Variants in STAG1 observed in about 807,000 individuals in gnomAD.
The protein encoded by STAG1 is STAG1 cohesin complex component, also known as cohesin subunit SA-1.
In STAG1, 26 loss-of-function variants were observed where a neutral mutation model predicts 170.9. The observed-to-expected ratio is 0.15, with a 90% CI of 0.11 to 0.21. The LOEUF (loss-of-function observed/expected upper bound fraction) is 0.21, where lower values mean the gene tolerates loss of function less well. Ranked by LOEUF, STAG1 falls within the 10% of genes least tolerant of loss-of-function variation. STAG1 has a pLI of 1.00. For missense variants in STAG1, 964 were observed against 1,509.5 expected (o/e 0.64, Z 5.99); for synonymous variants, 514 against 497.7 (o/e 1.03, Z -0.44).
chr3:136,638,487 AAT>A (rs1452197247), intron 1 of STAG1, among the ~76,000 whole-genome samples: 1 of 152,120 alleles, frequency 6.6e-6, no homozygotes, highest in Non-Finnish European at 1.5e-5. Context: ...TTGAATTAAA[AAT>A]ATGTGTGTGT....
chr3:136,486,542 C>T (rs2090016794), intron 9 of STAG1, among the ~76,000 whole-genome samples: 1 of 152,204 alleles, frequency 6.6e-6, no homozygotes, highest in African/African-American at 2.4e-5. Context: ...GGATCCATTA[C>T]ATTTTTCCTC....
intron 22 of STAG1, among the ~76,000 whole-genome samples, chr3:136,382,322 ATAAG>A (rs1158102195): frequency 6.6e-6 from 1 of 152,186 alleles, no homozygotes; most frequent in East Asian, 1.9e-4. Context: ...AATACCACAA[ATAAG>A]TAAGCAATCA....
chr3:136,410,222 A>C (rs1216686804), intron 21 of STAG1, among the ~76,000 whole-genome samples: 1 of 152,070 alleles, frequency 6.6e-6, no homozygotes, highest in Non-Finnish European at 1.5e-5. Flanking sequence ...CAACATGGTG[A>C]AATCCTGTCT....
chr3:136,695,430 C>T (rs981980079), intron 1 of STAG1, among the ~76,000 whole-genome samples: 3 of 149,454 alleles, frequency 2.0e-5, no homozygotes, highest in Non-Finnish European at 4.4e-5. Context: ...GAGTGAGACT[C>T]TGTCTCAAAA....
At chr3:136,462,506 G>A (rs1469240816) in intron 13 of STAG1, among the ~76,000 whole-genome samples, 1 of 152,098 alleles carries the variant, frequency 6.6e-6, no homozygotes, top group Non-Finnish European at 1.5e-5. Flanking sequence ...TCCTGGAGGG[G>A]CAGTAGAATG....
chr3:136,518,797 C>T (rs1203258386), intron 7 of STAG1, among the ~76,000 whole-genome samples: 1 of 151,944 alleles, frequency 6.6e-6, no homozygotes, highest in African/African-American at 2.4e-5. Context: ...AAATAGGCTA[C>T]ATGATGATAC....
chr3:136,617,729 C>T (rs1478841244), intron 3 of STAG1, among the ~76,000 whole-genome samples: 1 of 152,104 alleles, frequency 6.6e-6, no homozygotes, highest in Non-Finnish European at 1.5e-5. Context: ...ACATCTGCCA[C>T]CACATTGTAA....
intron 8 of STAG1, among the ~76,000 whole-genome samples, chr3:136,501,991 G>C (rs528462593): frequency 6.6e-6 from 1 of 152,182 alleles, no homozygotes; most frequent in African/African-American, 2.4e-5. Flanking sequence ...AGACCAGCCT[G>C]ACCAACATGG....
At chr3:136,604,734 T>C (rs561972263) in intron 3 of STAG1, among the ~76,000 whole-genome samples, 2 of 152,268 alleles carry the variant, frequency 1.3e-5, no homozygotes, top group African/African-American at 4.8e-5. Flanking sequence ...CACTGCAGCA[T>C]CCTCCTCCCA....
At chr3:136,637,154 A>G (rs1176123832) in intron 1 of STAG1, among the ~76,000 whole-genome samples, 1 of 152,250 alleles carries the variant, frequency 6.6e-6, no homozygotes, top group Non-Finnish European at 1.5e-5. Flanking sequence ...TCTCTGTAGC[A>G]TAAAGGTTTA....
intron 21 of STAG1, among the ~76,000 whole-genome samples, chr3:136,410,788 A>C (rs924906415): frequency 6.6e-6 from 1 of 152,240 alleles, no homozygotes; most frequent in Middle Eastern, 3.2e-3. Context: ...AGCCTGGTCA[A>C]CATAGTGAAA....
At position 136,678,755 on chromosome 3, in the gene STAG1, G is replaced by A. The variant is rs545286244; in HGVS notation, c.-83-47774C>T. Reference sequence around the variant, plus strand: ...GTGCCATGTGTGGTGGCTCATGCCTGTAATCCCGGCACTTTGGAAGGCCAA... The same window carrying A: ...GTGCCATGTGTGGTGGCTCATGCCTATAATCCCGGCACTTTGGAAGGCCAA... On this transcript the variant is annotated intron_variant, in intron 1 of 33. Transcript: ENST00000383202. Among the ~76,000 whole-genome samples, 9 of 149,656 alleles carry A rather than the reference G, an allele frequency of 6.0e-5. No homozygotes were observed. In the Admixed American group the frequency reaches 6.1e-4, roughly 10 times the overall value.
intron 10 of STAG1, among the ~76,000 whole-genome samples, chr3:136,475,173 T>A (rs113729515): frequency 5.2e-5 from 7 of 134,080 alleles, no homozygotes; most frequent in African/African-American, 1.7e-4. Context: ...TGAGGCAGAG[T>A]CTTGCTCTTG....
intron 1 of STAG1, among the ~76,000 whole-genome samples, chr3:136,658,259 G>A (rs186164616): frequency 2.0e-5 from 3 of 151,980 alleles, no homozygotes; most frequent in Admixed American, 6.5e-5. Context: ...ACAGATTTTG[G>A]TGTTTAGAGG....
At chr3:136,422,192 G>T (rs1288809039) in intron 19 of STAG1, among the ~76,000 whole-genome samples, 1 of 149,070 alleles carries the variant, frequency 6.7e-6, no homozygotes, top group Non-Finnish European at 1.5e-5. Context: ...AAAGAGAAAA[G>T]AAATTCTAGT....
At chr3:136,612,624 G>A (rs1269439049) in intron 3 of STAG1, among the ~76,000 whole-genome samples, 1 of 152,210 alleles carries the variant, frequency 6.6e-6, no homozygotes, top group Non-Finnish European at 1.5e-5. Context: ...AGGCTGCAGT[G>A]AGCCATGAAC....
chr3:136,474,884 AG>A (rs1290757522), intron 10 of STAG1, among the ~76,000 whole-genome samples: 1 of 152,116 alleles, frequency 6.6e-6, no homozygotes, highest in Non-Finnish European at 1.5e-5. Context: ...ATAGACCCCT[AG>A]GAGGTTATGC....
At chr3:136,593,766 CT>C (rs1938298119) in intron 4 of STAG1, among the ~76,000 whole-genome samples, 1 of 152,208 alleles carries the variant, frequency 6.6e-6, no homozygotes, top group South Asian at 2.1e-4. Context: ...ATATTTTGCA[CT>C]GTAGCAGTCA....
chr3:136,525,687 T>C (rs894102362), intron 6 of STAG1, among the ~76,000 whole-genome samples: 7 of 152,228 alleles, frequency 4.6e-5, no homozygotes, highest in African/African-American at 1.7e-4. Flanking sequence ...ATTGTGATGT[T>C]AGGGTGTCAA....
Sources: allele counts gnomAD v4.1 joint callset (sites outside exome capture counted in the v4.1 genomes callset), GRCh38; gene constraint gnomAD v4.1.1; transcripts MANE v1.5; gene names NCBI Gene and HGNC (gene_info 2026-07-23, HGNC 2026-07-21).